RNF220: variants seen among roughly 807,000 people sequenced by gnomAD.
RNF220 encodes ring finger protein 220.
A neutral mutation model predicts 67.1 loss-of-function variants in RNF220; 7 were observed. The ratio of observed to expected loss-of-function variants is 0.10; its 90% CI spans 0.06 to 0.20. RNF220 has a LOEUF of 0.20. RNF220 is among the 10% of genes least tolerant of loss of function. RNF220 has a pLI of 1.00. For synonymous variants in RNF220, 270 were observed against 283.2 expected (o/e 0.95, Z 0.47); for missense variants, 565 against 740.3 (o/e 0.76, Z 2.75).
intron 2 of RNF220, among the ~76,000 whole-genome samples, chr1:44,607,768 C>T (rs913068185): frequency 1.3e-5 from 2 of 152,142 alleles, no homozygotes; most frequent in African/African-American, 4.8e-5. Flanking sequence ...GGATTACAGG[C>T]ATAAGCCACC....
At chr1:44,436,280 A>G (rs902440795) in intron 2 of RNF220, among the ~76,000 whole-genome samples, 2 of 152,054 alleles carry the variant, frequency 1.3e-5, no homozygotes, top group African/African-American at 4.8e-5. Flanking sequence ...ACCATTCTGA[A>G]TCTGGGAGGA....
chr1:44,507,341 G>A (rs1658523750), intron 2 of RNF220, among the ~76,000 whole-genome samples: 1 of 152,146 alleles, frequency 6.6e-6, no homozygotes, highest in South Asian at 2.1e-4. Flanking sequence ...GAGGCTGAGA[G>A]GATTTGTGTG....
chr1:44,609,866 T>C (rs910899016), intron 2 of RNF220, among the ~76,000 whole-genome samples: 1 of 152,248 alleles, frequency 6.6e-6, no homozygotes, highest in Non-Finnish European at 1.5e-5. Context: ...AGGGACTCTC[T>C]GGAGGTCATA....
intron 2 of RNF220, among the ~76,000 whole-genome samples, chr1:44,454,778 G>T (rs975697928): frequency 6.6e-6 from 1 of 151,880 alleles, no homozygotes; most frequent in African/African-American, 2.4e-5. Flanking sequence ...CACAATCAGG[G>T]CATAGAAGAG....
chr1:44,444,451 T>C (rs1651872742), intron 2 of RNF220, among the ~76,000 whole-genome samples: 2 of 151,914 alleles, frequency 1.3e-5, no homozygotes, highest in South Asian at 2.1e-4. Context: ...TCTTTCTTTC[T>C]TTTTTTTGAA....
chr1:44,449,027 G>T (rs1416174529), intron 2 of RNF220, among the ~76,000 whole-genome samples: 1 of 152,210 alleles, frequency 6.6e-6, no homozygotes, highest in African/African-American at 2.4e-5. Flanking sequence ...ACACCTCAAT[G>T]AATCTTCCGT....
chr1:44,580,900 C>T (rs897880229), intron 2 of RNF220, among the ~76,000 whole-genome samples: 22 of 152,214 alleles, frequency 1.4e-4, no homozygotes, highest in African/African-American at 3.6e-4. Flanking sequence ...TGTGTCCATT[C>T]GCTGTGTGGC....
chr1:44,497,521 T>G (rs1427879430), intron 2 of RNF220, among the ~76,000 whole-genome samples: 2 of 152,204 alleles, frequency 1.3e-5, no homozygotes, highest in Non-Finnish European at 2.9e-5. Flanking sequence ...GCCCACAGTT[T>G]GTGCCAGTTC....
At chr1:44,509,884 CCAA>C (rs1253773058) in intron 2 of RNF220, among the ~76,000 whole-genome samples, 9 of 80,408 alleles carry the variant, frequency 1.1e-4, no homozygotes, top group Admixed American at 3.3e-4. Flanking sequence ...GAGACCCTGT[CCAA>C]AAAAAAAAAA....
At position 44,600,758 on chromosome 1, in the gene RNF220, T is replaced by A. The variant is rs1210728684; in HGVS notation, c.626-13407T>A. Reference sequence around the variant, plus strand: ...ATCACTTGAACCCGGGAGGCAGAGGTTGCAGTGAGCTGAGATAGCGCCATT... The same window carrying A: ...ATCACTTGAACCCGGGAGGCAGAGGATGCAGTGAGCTGAGATAGCGCCATT... On this transcript the variant is annotated intron_variant, in intron 2 of 14. Coordinates refer to ENST00000361799, the MANE Select transcript of RNF220 (RefSeq NM_018150.4). The surrounding 1 kb of genome is among the most constrained non-coding windows in gnomAD (Gnocchi z 4.0). Among the ~76,000 whole-genome samples, 3 of 151,780 alleles carry A rather than the reference T, an allele frequency of 2.0e-5. No homozygotes were observed. Among genetic ancestry groups the A allele is most frequent in the Non-Finnish European group, 4.4e-5 (3 of 67,944 alleles).
At chr1:44,559,762 AG>A (rs140637711) in intron 2 of RNF220, among the ~76,000 whole-genome samples, 4,770 of 152,336 alleles carry the variant, frequency 0.031, 188 homozygotes, top group African/African-American at 0.096. Context: ...TCTGTGAGGC[AG>A]CAGATAGAGG....
At position 44,651,029 on chromosome 1, in the gene RNF220, A is replaced by G; in HGVS notation, c.*254A>G. 1.0e-5 allele frequency: 4 copies of G among 384,388 alleles called. No homozygotes were observed. Among genetic ancestry groups the G allele is most frequent in the Admixed American group, 3.6e-5 (1 of 27,820 alleles). 23.8% of individuals were successfully genotyped at this position (384,388 alleles called of 1,614,324 possible). A position where few individuals can be genotyped will look rare whatever the true frequency, so the allele number is the denominator to read the frequency against. On this transcript the variant is annotated 3_prime_UTR_variant, in exon 15 of 15. Transcript: ENST00000361799. ...CCATACCTGTTCCAGCTCTGTTCCC[A>G]GGGTGGGGCAGGGAGGTGGGGGTTG...
intron 2 of RNF220, among the ~76,000 whole-genome samples, chr1:44,414,913 T>G (rs1648368891): frequency 6.6e-6 from 1 of 151,222 alleles, no homozygotes. Flanking sequence ...ACCCTCGTTA[T>G]TATCCAGAGT....
chr1:44,481,706 A>T (rs892889640), intron 2 of RNF220, among the ~76,000 whole-genome samples: 4 of 152,338 alleles, frequency 2.6e-5, no homozygotes, highest in Non-Finnish European at 5.9e-5. Context: ...AAGAGCAGAA[A>T]AATATGATGG....
chr1:44,474,396 TAATAATAATAATAATAA>T (rs965115969), intron 2 of RNF220, among the ~76,000 whole-genome samples: 10 of 84,082 alleles, frequency 1.2e-4, no homozygotes, highest in Non-Finnish European at 2.3e-5. Flanking sequence ...ATAATAATAA[TAATAATAATAATAATAA>T]TAATAATAAT....
chr1:44,616,927 C>T (rs7542676), intron 3 of RNF220, among the ~76,000 whole-genome samples: 117 of 152,314 alleles, frequency 7.7e-4, no homozygotes, highest in African/African-American at 2.7e-3. Flanking sequence ...AACAGCCTTC[C>T]TTTTTCCACA....
At chr1:44,518,298 A>G (rs111789431) in intron 2 of RNF220, among the ~76,000 whole-genome samples, 337 of 152,148 alleles carry the variant, frequency 2.2e-3, no homozygotes, top group Non-Finnish European at 3.4e-3. Flanking sequence ...AGTGGTGAGC[A>G]CGTTTAGGCC....
chr1:44,475,064 G>T (rs1655173583), intron 2 of RNF220, among the ~76,000 whole-genome samples: 1 of 151,332 alleles, frequency 6.6e-6, no homozygotes, highest in South Asian at 2.1e-4. Context: ...AAGATATGTG[G>T]GTAAGACTGA....
intron 2 of RNF220, among the ~76,000 whole-genome samples, chr1:44,515,714 G>A (rs1659402545): frequency 6.6e-6 from 1 of 152,162 alleles, no homozygotes; most frequent in Non-Finnish European, 1.5e-5. Flanking sequence ...AGTATGAGAA[G>A]GCTCTCTTGG....
Sources: allele counts gnomAD v4.1 joint callset (sites outside exome capture counted in the v4.1 genomes callset), GRCh38; gene constraint gnomAD v4.1.1; non-coding constraint Gnocchi (gnomAD v3.1); transcripts MANE v1.5; gene names NCBI Gene and HGNC (gene_info 2026-07-23, HGNC 2026-07-21).